Variants in CACNA2D1 observed in about 807,000 individuals in gnomAD.
CACNA2D1 encodes calcium voltage-gated channel auxiliary subunit alpha2delta 1.
A neutral mutation model predicts 171.5 loss-of-function variants in CACNA2D1; 53 were observed. That is an observed-to-expected ratio of 0.31 (90% CI 0.25 to 0.39). The LOEUF is 0.39. Ranked by LOEUF, CACNA2D1 falls within the 10% of genes least tolerant of loss-of-function variation. CACNA2D1 has a pLI of 1.00. For synonymous variants in CACNA2D1, 442 were observed against 443.1 expected, an observed-to-expected ratio of 1.00 and a Z score of 0.03; for missense variants, 903 against 1,299.8, an observed-to-expected ratio of 0.69 and a Z score of 4.69.
intron 3 of CACNA2D1, among the ~76,000 whole-genome samples, chr7:82,334,212 G>A (rs1817716527): frequency 6.6e-6 from 1 of 152,242 alleles, no homozygotes; most frequent in East Asian, 1.9e-4. Context: ...ATGTATCAAT[G>A]TGGGCTCATA....
chr7:82,272,393 T>A (rs1216600892), intron 3 of CACNA2D1, among the ~76,000 whole-genome samples: 3 of 152,186 alleles, frequency 2.0e-5, no homozygotes, highest in Non-Finnish European at 4.4e-5. Context: ...AACATATGTC[T>A]ACAAATTTGA....
intron 4 of CACNA2D1, among the ~76,000 whole-genome samples, chr7:82,168,552 T>G (rs368114399): frequency 6.6e-6 from 1 of 152,136 alleles, no homozygotes; most frequent in East Asian, 1.9e-4. Context: ...AATTTAGAGT[T>G]TTTGTATTGT....
chr7:82,326,812 C>T lies in CACNA2D1; in HGVS notation c.294+8323G>A, dbSNP rs1816702016. Among the ~76,000 whole-genome samples the T allele has an allele frequency of 1.8e-5, 2 of 110,628 alleles. 1 individual carries two copies. Among genetic ancestry groups the T allele is most frequent in the African/African-American group, 5.7e-5 (2 of 34,792 alleles). 72.6% of individuals were successfully genotyped at this position (110,628 alleles called of 152,430 possible). On this transcript the variant is annotated intron_variant, in intron 3 of 38. Transcript: ENST00000356860. ...TGAACTCTTATTTCTTGACCATTAT[C>T]AGATCCTATCTAACGTGATTCCTGG...
At position 82,421,459 on chromosome 7, in the gene CACNA2D1, A is replaced by G. The variant is rs138988349; in HGVS notation, c.95+21906T>C. ...ATCACTAGGAAGATTCTGCTTATCC[A>G]ATGGTTTGAGACAGAAGGGTTCCTT... On this transcript the variant is annotated intron_variant, in intron 1 of 38. Transcript: ENST00000356860. Among the ~76,000 whole-genome samples, 139 of 152,312 alleles carry G rather than the reference A, an allele frequency of 9.1e-4. 1 individual carries two copies. In the East Asian group the frequency reaches 0.024, roughly 26 times the overall value.
chr7:82,269,769 G>T (rs1808374154), intron 3 of CACNA2D1, among the ~76,000 whole-genome samples: 1 of 152,088 alleles, frequency 6.6e-6, no homozygotes, highest in African/African-American at 2.4e-5. Flanking sequence ...TGGCAGACAA[G>T]AATTAACCCC....
chr7:82,425,222 A>T (rs1829067733), intron 1 of CACNA2D1, among the ~76,000 whole-genome samples: 1 of 152,170 alleles, frequency 6.6e-6, no homozygotes, highest in Non-Finnish European at 1.5e-5. Context: ...GAATGAAGAG[A>T]GTTTCCCTCT....
intron 3 of CACNA2D1, among the ~76,000 whole-genome samples, chr7:82,273,869 G>C (rs1361581027): frequency 2.0e-5 from 3 of 152,086 alleles, no homozygotes; most frequent in East Asian, 1.9e-4. Context: ...ATTTATACCT[G>C]GGTGTAGAAT....
intron 1 of CACNA2D1, among the ~76,000 whole-genome samples, chr7:82,425,017 G>A (rs1477400160): frequency 1.3e-5 from 2 of 152,194 alleles, no homozygotes; most frequent in Non-Finnish European, 2.9e-5. Flanking sequence ...CTCCTTGAGT[G>A]TGAGTGGGGA....
At chr7:82,143,262 T>G (rs1792604198) in intron 4 of CACNA2D1, among the ~76,000 whole-genome samples, 1 of 152,114 alleles carries the variant, frequency 6.6e-6, no homozygotes, top group South Asian at 2.1e-4. Flanking sequence ...ACTGAAGACG[T>G]GATAAACCTG....
intron 3 of CACNA2D1, among the ~76,000 whole-genome samples, chr7:82,174,383 T>C (rs1358291050): frequency 6.6e-6 from 1 of 152,134 alleles, no homozygotes; most frequent in Non-Finnish European, 1.5e-5. Flanking sequence ...ACCACATGTA[T>C]ATATGAAAAT....
chr7:82,443,240 G>T, intron 1 of CACNA2D1, 125 bp downstream of exon 1: 1 of 897,788 alleles, frequency 1.1e-6, no homozygotes. Context: ...ATCCGAGCCT[G>T]GCTCCCCGGC....
chr7:82,360,307 C>G (rs1820951652), intron 1 of CACNA2D1, among the ~76,000 whole-genome samples: 1 of 152,142 alleles, frequency 6.6e-6, no homozygotes, highest in Admixed American at 6.6e-5. Flanking sequence ...AAGGCTGTTA[C>G]AGTTAGAAAA....
chr7:82,107,578 AAAAT>A, intron 6 of CACNA2D1, among the ~76,000 whole-genome samples: 1 of 140,446 alleles, frequency 7.1e-6, no homozygotes, highest in South Asian at 2.5e-4. Flanking sequence ...TATTACAATG[AAAAT>A]AAACTTTTTT....
At chr7:82,400,057 C>G (rs1182545816) in intron 1 of CACNA2D1, among the ~76,000 whole-genome samples, 2 of 151,302 alleles carry the variant, frequency 1.3e-5, no homozygotes, top group East Asian at 1.9e-4. Context: ...TTCCATTGAT[C>G]TATATCTCTG....
chr7:82,167,565 C>G (rs971794347), intron 4 of CACNA2D1, among the ~76,000 whole-genome samples: 1 of 152,102 alleles, frequency 6.6e-6, no homozygotes, highest in African/African-American at 2.4e-5. Flanking sequence ...TCTAAACCTT[C>G]TATCACTCTA....
intron 7 of CACNA2D1, among the ~76,000 whole-genome samples, chr7:82,071,886 C>T (rs1185648466): frequency 2.6e-5 from 4 of 152,106 alleles, no homozygotes; most frequent in Non-Finnish European, 5.9e-5. Context: ...TTCCTGTCTT[C>T]TTTTGGCCTC....
rs1230181300 is a variant in CACNA2D1 at position 82,443,681 on chromosome 7, G to C, written c.-222C>G. The stretch of plus-strand genomic sequence containing the variant: ...GCGGGCGGACCCACTAGCGTGCGTC[G>C]GCTGCTCCGCGCCGCGGCCGCCTTG... On this transcript the variant is annotated 5_prime_UTR_variant, in exon 1 of 39. Transcript: ENST00000356860. 16 of 1,242,192 alleles carry C rather than the reference G, an allele frequency of 1.3e-5. No homozygotes were observed. Among genetic ancestry groups the C allele is most frequent in the Non-Finnish European group, 1.5e-5 (15 of 996,612 alleles). The allele number at this position is 1,242,192 out of a possible 1,614,324, so 76.9% of individuals were successfully genotyped here.
In CACNA2D1 at chr7:81,959,282, T is replaced by C. The variant is rs1173309440; in HGVS notation, c.3152A>G (p.Asn1051Ser). 3 of 1,600,388 alleles carry C rather than the reference T, an allele frequency of 1.9e-6. No individual in the cohort carries two copies. The highest frequency in any genetic ancestry group is 1.7e-4 in the Middle Eastern group (1 of 6,034). ...GTAGAAGTGTGATCTTACCAAGACA[T>C]TGTTATCAAAGCAGACATCAGGCCC... The part of the protein sequence containing the change: ...RKGPDVCFDN[N>S]VLEDYTDCGG... Residue 1051 changes from asparagine to serine, a missense_variant, in exon 38 of 39, where the codon AAT becomes AGT. Asn to Ser is a conservative substitution (Grantham distance 46). This residue lies in a region of CACNA2D1 where 623 missense variants were observed against 925.5 expected (regional missense o/e 0.67). Transcript: ENST00000356860.
chr7:82,209,022 T>C (rs558164594), intron 3 of CACNA2D1, among the ~76,000 whole-genome samples: 1 of 152,302 alleles, frequency 6.6e-6, no homozygotes, highest in South Asian at 2.1e-4. Context: ...TGATTTCCAG[T>C]GATTGCCTTA....
Sources: gnomAD v4.1 joint callset for allele counts (sites outside exome capture counted in the v4.1 genomes callset) on GRCh38, gnomAD v4.1.1 for gene constraint, gnomAD v4.1.1 regional missense constraint, MANE v1.5 for transcripts, NCBI Gene and HGNC (gene_info 2026-07-23, HGNC 2026-07-21) for gene names.